The following BEGAIN variants were observed in gnomAD, a reference collection of about 807,000 sequenced individuals.
BEGAIN encodes brain enriched guanylate kinase associated.
A neutral mutation model predicts 35.8 loss-of-function variants in BEGAIN; 19 were observed. The observed-to-expected ratio is 0.53, with a 90% CI of 0.37 to 0.78. The LOEUF is 0.78. BEGAIN is among the 30% of genes least tolerant of loss of function. The pLI is 0.00. For missense variants in BEGAIN, 795 were observed against 853.6 expected, an observed-to-expected ratio of 0.93 and a Z score of 0.85; for synonymous variants, 462 against 388.6, an observed-to-expected ratio of 1.19 and a Z score of -2.22.
chr14:100,543,548 C>T (rs1475543654), intron 5 of BEGAIN, among the ~76,000 whole-genome samples: 1 of 152,216 alleles, frequency 6.6e-6, no homozygotes, highest in Non-Finnish European at 1.5e-5. Context: ...ATCAGGAAGC[C>T]TTGCCTTGAA....
In BEGAIN at chr14:100,586,778, G is replaced by T. The variant is rs1048825221; in HGVS notation, c.42+471C>A. ...CAAACGCTCAATGAGGCGGCCCCGG[G>T]TCCAGCCTCCTTCCGGCTCCCGGGC... On this transcript the variant is annotated intron_variant, in intron 1 of 6. Coordinates refer to ENST00000554140, the MANE Select transcript of BEGAIN (RefSeq NM_001385089.1). This position sits in a 1 kb window ranked among gnomAD's most constrained non-coding sequence, Gnocchi z 4.9. Among the ~76,000 whole-genome samples the T allele has an allele frequency of 1.3e-5, 2 of 152,198 alleles. No homozygotes were observed. The highest frequency in any genetic ancestry group is 1.3e-4 in the Admixed American group (2 of 15,286).
chr14:100,572,119 A>G (rs1450132032), intron 1 of BEGAIN, among the ~76,000 whole-genome samples: 2 of 151,986 alleles, frequency 1.3e-5, no homozygotes, highest in Non-Finnish European at 2.9e-5. Context: ...TTCTAACACC[A>G]TCCGCGTCCC....
At chr14:100,561,263 C>G (rs564097391) in intron 2 of BEGAIN, among the ~76,000 whole-genome samples, 8 of 152,208 alleles carry the variant, frequency 5.3e-5, no homozygotes, top group Non-Finnish European at 7.3e-5. Flanking sequence ...ATGATGTCAC[C>G]GCCCAAGGGG....
chr14:100,537,993 C>T lies in BEGAIN; in HGVS notation c.1815G>A (p.Gln605=). Residue 605 remains glutamine (Q), a synonymous_variant, in exon 7 of 7, where the codon CAG becomes CAA. Coordinates refer to ENST00000554140, the MANE Select transcript of BEGAIN (RefSeq NM_001385089.1). ...LSRKDSLTKA[Q]LYGTLLN ...CTCAGTTGAGCAAGGTTCCGTAGAG[C>T]TGGGCCTTGGTGAGGCTGTCCTTGC... is the stretch of plus-strand genomic sequence containing the variant. The T allele has an allele frequency of 6.2e-7, 1 of 1,609,580 alleles. No homozygotes were observed. Among genetic ancestry groups the T allele is most frequent in the Non-Finnish European group, 8.5e-7 (1 of 1,178,880 alleles).
At chr14:100,540,953 T>G (rs1349341190) in intron 5 of BEGAIN, among the ~76,000 whole-genome samples, 1 of 152,150 alleles carries the variant, frequency 6.6e-6, no homozygotes, top group African/African-American at 2.4e-5. Flanking sequence ...TCCCTCAGGC[T>G]CTCGGCGTCC....
chr14:100,581,409 G>A (rs2035312588), intron 1 of BEGAIN, among the ~76,000 whole-genome samples: 1 of 152,070 alleles, frequency 6.6e-6, no homozygotes, highest in South Asian at 2.1e-4. Flanking sequence ...GTGGGCTCAC[G>A]GCCTGGACCT....
intron 1 of BEGAIN, among the ~76,000 whole-genome samples, chr14:100,582,754 A>G (rs1031845843): frequency 6.6e-6 from 1 of 151,756 alleles, no homozygotes; most frequent in Non-Finnish European, 1.5e-5. Flanking sequence ...CTTCTTCCTT[A>G]TTTCCTGAGT....
At position 100,538,593 on chromosome 14, in the gene BEGAIN, C is replaced by G; in HGVS notation, c.1215G>C (p.Pro405=). The stretch of plus-strand genomic sequence containing the variant: ...GGGGCATCAGGGCCTGCTGGGGACC[C>G]GGAGAGGCCGGGAAGCGGAAGGTCT... ...PAETFRFPAS[P]GPQQALMPPN... The change falls in exon 7 of 7, where the codon CCG becomes CCC. Residue 405 remains proline, a synonymous_variant. Coordinates refer to ENST00000554140, the MANE Select transcript of BEGAIN (RefSeq NM_001385089.1). 1 of 1,546,274 alleles carries G rather than the reference C, an allele frequency of 6.5e-7. No homozygotes were observed. The highest frequency in any genetic ancestry group is 8.7e-7 in the Non-Finnish European group (1 of 1,145,090).
In BEGAIN at chr14:100,574,887, C is replaced by A. The variant is rs181301101; in HGVS notation, c.43-6948G>T. On this transcript the variant is annotated intron_variant, in intron 1 of 6. Coordinates refer to ENST00000554140, the MANE Select transcript of BEGAIN (RefSeq NM_001385089.1). ...GTCATGACCCCACCCAGGGCCATGC[C>A]CCTGGCCCTGTGCTTCCTGCTCCTT... Among the ~76,000 whole-genome samples the A allele has an allele frequency of 6.6e-5, 10 of 152,320 alleles. No individual in the cohort carries two copies. In the East Asian group the frequency reaches 1.9e-3, roughly 29 times the overall value.
chr14:100,543,753 G>A lies in BEGAIN; in HGVS notation c.408+105C>T, dbSNP rs1323142953. The A allele has an allele frequency of 3.4e-6, 3 of 891,352 alleles. No homozygotes were observed. The East Asian group carries it at 8.0e-5, about 24-fold the overall frequency. The allele number at this position is 891,352 out of a possible 1,614,324, so 55.2% of individuals were successfully genotyped here. The stretch of plus-strand genomic sequence containing the variant: ...TTGAGGCTGGGGCCAAAGCAGCTGA[G>A]CTCAGGACCCTTCAGAGTCAGAATG... On this transcript the variant is annotated intron_variant, in intron 5 of 6. Coordinates refer to ENST00000554140, the MANE Select transcript of BEGAIN (RefSeq NM_001385089.1).
intron 1 of BEGAIN, among the ~76,000 whole-genome samples, chr14:100,583,692 C>CTTTTTTT (rs56090356): frequency 0.021 from 2,285 of 108,728 alleles, 192 homozygotes; most frequent in African/African-American, 0.077. Flanking sequence ...GTTTTTCTTC[C>CTTTTTTT]TTTTTTTTTT....
intron 1 of BEGAIN, among the ~76,000 whole-genome samples, chr14:100,585,192 C>T (rs931296574): frequency 2.1e-5 from 3 of 139,790 alleles, no homozygotes; most frequent in African/African-American, 8.2e-5. Context: ...CAGTCAATCC[C>T]TCCCATCCAT....
At chr14:100,544,869 T>C in intron 4 of BEGAIN, 131 bp downstream of exon 4, 1 of 921,268 alleles carries the variant, frequency 1.1e-6, no homozygotes, top group Non-Finnish European at 1.7e-6. Flanking sequence ...CTCCACATGT[T>C]CCATGGAGAA....
At chr14:100,569,003 C>G in intron 1 of BEGAIN, 2 of 943,504 alleles carry the variant, frequency 2.1e-6, no homozygotes, top group African/African-American at 1.8e-5. Flanking sequence ...GCCGCCTCCC[C>G]CACCGCCCCG....
chr14:100,551,832 G>T (rs763499658), intron 2 of BEGAIN, among the ~76,000 whole-genome samples: 4 of 152,162 alleles, frequency 2.6e-5, no homozygotes, highest in African/African-American at 9.7e-5. Context: ...CTCTGCAGAA[G>T]TGGGCGGGGG....
At chr14:100,564,313 C>T (rs1388413823) in intron 2 of BEGAIN, among the ~76,000 whole-genome samples, 1 of 151,944 alleles carries the variant, frequency 6.6e-6, no homozygotes, top group Non-Finnish European at 1.5e-5. Flanking sequence ...GGGGGGAAAA[C>T]GTGGACACCA....
At chr14:100,548,197 C>G (rs1566965757) in intron 2 of BEGAIN, 1 of 152,158 alleles carries the variant, frequency 6.6e-6, no homozygotes, top group Non-Finnish European at 1.5e-5. Flanking sequence ...GGAGCGCTCT[C>G]TGGGACAGTG....
At chr14:100,556,591 CT>C (rs752138575) in intron 2 of BEGAIN, among the ~76,000 whole-genome samples, 2 of 152,206 alleles carry the variant, frequency 1.3e-5, no homozygotes, top group African/African-American at 4.8e-5. Flanking sequence ...GACATCCCCC[CT>C]GGGTCAGGAG....
At position 100,567,853 on chromosome 14, in the gene BEGAIN, G is replaced by A. The variant is rs61993005; in HGVS notation, c.71+58C>T. On this transcript the variant is annotated intron_variant, in intron 2 of 6. Coordinates refer to ENST00000554140, the MANE Select transcript of BEGAIN (RefSeq NM_001385089.1). The surrounding 1 kb of genome is among the most constrained non-coding windows in gnomAD (Gnocchi z 5.1). The stretch of plus-strand genomic sequence containing the variant: ...GAGCCCCCTTCCCCCGCCTTCCCCA[G>A]CGCCCTCACCCCCGACCCGGCCCCC... 380,577 of 1,408,828 alleles carry A rather than the reference G, an allele frequency of 0.27. 54,262 individuals are homozygous for A. The highest frequency in any genetic ancestry group is 0.34 in the South Asian group (26,167 of 77,272). 87.3% of individuals were successfully genotyped at this position (1,408,828 alleles called of 1,614,324 possible). A position where few individuals can be genotyped will look rare whatever the true frequency, so the allele number is the denominator to read the frequency against.
Sources: gnomAD v4.1 joint callset for allele counts (sites outside exome capture counted in the v4.1 genomes callset) on GRCh38, gnomAD v4.1.1 for gene constraint, Gnocchi (gnomAD v3.1) non-coding constraint, MANE v1.5 for transcripts, NCBI Gene and HGNC (gene_info 2026-07-23, HGNC 2026-07-21) for gene names.